Variants in HSD17B12 observed in about 807,000 individuals in gnomAD.
HSD17B12 encodes very-long-chain 3-oxoacyl-CoA reductase.
A neutral mutation model predicts 39.3 loss-of-function variants in HSD17B12; 32 were observed. The ratio of observed to expected loss-of-function variants is 0.81; its 90% CI spans 0.61 to 1.09. The LOEUF is 1.09. Among genes scored for constraint, HSD17B12 ranks in the 50% least tolerant of loss-of-function variants. The pLI is 0.00. For synonymous variants in HSD17B12, 150 were observed against 146.7 expected (o/e 1.02, Z -0.16); for missense variants, 342 against 382.9 (o/e 0.89, Z 0.89).
chr11:43,782,674 CAAA>C (rs35805476), intron 3 of HSD17B12, among the ~76,000 whole-genome samples: 2 of 104,298 alleles, frequency 1.9e-5, no homozygotes. Flanking sequence ...GACTCTGTCT[CAAA>C]AAAAAAAAAA....
At chr11:43,574,828 A>T in the HSD17B12 span, among the ~76,000 whole-genome samples, 2 of 152,206 alleles carry the variant, frequency 1.3e-5, no homozygotes, top group Admixed American at 1.3e-4. Context: ...AAAAGTCCTG[A>T]TAATGTCGCT....
chr11:43,588,225 G>A, the HSD17B12 span, among the ~76,000 whole-genome samples: 23 of 152,206 alleles, frequency 1.5e-4, no homozygotes, highest in African/African-American at 5.5e-4. Flanking sequence ...TAGGTGGGGA[G>A]TTAGATGCTC....
intron 9 of HSD17B12, among the ~76,000 whole-genome samples, chr11:43,843,391 C>A (rs117242440): frequency 0.06 from 9,156 of 152,258 alleles, 384 homozygotes; most frequent in Non-Finnish European, 0.089. Flanking sequence ...GTACTCCAGC[C>A]CACACATGTT....
At chr11:43,819,664 TACTTGTTCCCATGA>T (rs1271486145) in intron 6 of HSD17B12, among the ~76,000 whole-genome samples, 1 of 152,236 alleles carries the variant, frequency 6.6e-6, no homozygotes, top group Non-Finnish European at 1.5e-5. Flanking sequence ...TTGGCATATA[TACTTGTTCCCATGA>T]AATGAGTTAG....
chr11:43,591,183 C>T, the HSD17B12 span, among the ~76,000 whole-genome samples: 1 of 152,000 alleles, frequency 6.6e-6, no homozygotes. Context: ...ATTTATAATA[C>T]AAATATTAAA....
chr11:43,635,208 A>C, the HSD17B12 span, among the ~76,000 whole-genome samples: 3 of 152,210 alleles, frequency 2.0e-5, no homozygotes, highest in South Asian at 4.1e-4. Flanking sequence ...AGTGAAAAAA[A>C]CTTTTAGATC....
the HSD17B12 span, among the ~76,000 whole-genome samples, chr11:43,636,747 TATAG>T: frequency 6.6e-6 from 1 of 152,218 alleles, no homozygotes; most frequent in Non-Finnish European, 1.5e-5. Context: ...TTCACAACTC[TATAG>T]ATATTCTTTT....
chr11:43,624,132 T>G, the HSD17B12 span, among the ~76,000 whole-genome samples: 1 of 151,962 alleles, frequency 6.6e-6, no homozygotes, highest in Non-Finnish European at 1.5e-5. Context: ...CACTGATCAA[T>G]TAACCAGATA....
At chr11:43,638,998 A>G in the HSD17B12 span, among the ~76,000 whole-genome samples, 1 of 152,186 alleles carries the variant, frequency 6.6e-6, no homozygotes, top group Non-Finnish European at 1.5e-5. Flanking sequence ...GTGAAAGTCC[A>G]CATCTCTAGT....
At chr11:43,590,059 G>C in the HSD17B12 span, among the ~76,000 whole-genome samples, 1 of 152,156 alleles carries the variant, frequency 6.6e-6, no homozygotes, top group African/African-American at 2.4e-5. Context: ...TGCAGATCCA[G>C]GTCTAAATAT....
chr11:43,601,245 T>C, the HSD17B12 span, among the ~76,000 whole-genome samples: 1 of 152,124 alleles, frequency 6.6e-6, no homozygotes, highest in African/African-American at 2.4e-5. Context: ...TAAAGGCACA[T>C]GTGAAAATTT....
chr11:43,686,601 T>TG (rs1275777478), intron 1 of HSD17B12, among the ~76,000 whole-genome samples: 2 of 150,656 alleles, frequency 1.3e-5, no homozygotes, highest in East Asian at 1.9e-4. Context: ...CCCTGTTTTT[T>TG]TTTTTTTTTT....
At chr11:43,629,667 G>A in the HSD17B12 span, among the ~76,000 whole-genome samples, 1 of 152,152 alleles carries the variant, frequency 6.6e-6, no homozygotes, top group Non-Finnish European at 1.5e-5. Context: ...CATTCATTTT[G>A]TTTGGTGAAT....
chr11:43,693,651 C>T (rs1565051086), intron 1 of HSD17B12, among the ~76,000 whole-genome samples: 1 of 152,064 alleles, frequency 6.6e-6, no homozygotes, highest in Non-Finnish European at 1.5e-5. Context: ...AGTATATGTT[C>T]CTCAAGGTGG....
chr11:43,812,824 C>CT lies in HSD17B12; in HGVS notation c.392-2612dup, dbSNP rs754710608. ...CTTTGCTCAATTATCAGAGACACAG[C>CT]TGAAGACTCTCTATTGTTTGTTTTT... On this transcript the variant is annotated intron_variant, in intron 4 of 10. Coordinates refer to ENST00000278353, the MANE Select transcript of HSD17B12 (RefSeq NM_016142.3). Among the ~76,000 whole-genome samples the CT allele has an allele frequency of 7.9e-5, 12 of 152,218 alleles. No homozygotes were observed. The South Asian group carries it at 2.1e-3, about 26-fold the overall frequency.
intron 1 of HSD17B12, among the ~76,000 whole-genome samples, chr11:43,731,767 T>C (rs963657087): frequency 1.3e-5 from 2 of 152,126 alleles, no homozygotes; most frequent in African/African-American, 4.8e-5. Flanking sequence ...ATATGTTCAG[T>C]AAGCTCTAGG....
At chr11:43,626,269 ATTTT>A in the HSD17B12 span, among the ~76,000 whole-genome samples, 1 of 151,822 alleles carries the variant, frequency 6.6e-6, no homozygotes, top group South Asian at 2.1e-4. Context: ...TAGTTAAGCT[ATTTT>A]TAGATTTGTA....
At chr11:43,846,859 C>G (rs567463774) in intron 9 of HSD17B12, among the ~76,000 whole-genome samples, 2 of 152,256 alleles carry the variant, frequency 1.3e-5, no homozygotes, top group South Asian at 4.1e-4. Flanking sequence ...ACAGTAAGTC[C>G]AAAACTGGAG....
the HSD17B12 span, among the ~76,000 whole-genome samples, chr11:43,565,447 G>T: frequency 6.6e-6 from 1 of 152,174 alleles, no homozygotes; most frequent in East Asian, 1.9e-4. Flanking sequence ...CCCCTAGCTG[G>T]TCCAAACCCC....
Sources: allele counts gnomAD v4.1 joint callset (sites outside exome capture counted in the v4.1 genomes callset), GRCh38; gene constraint gnomAD v4.1.1; transcripts MANE v1.5; gene names NCBI Gene and HGNC (gene_info 2026-07-23, HGNC 2026-07-21).